The following MS4A12 variants were observed in gnomAD, a reference collection of about 807,000 sequenced individuals.
MS4A12 encodes membrane spanning 4-domains A12.
Under a neutral mutation model 23.7 loss-of-function variants are expected in MS4A12, and 28 were observed. That is an observed-to-expected ratio of 1.18 (90% CI 0.88 to 1.62). MS4A12 has a LOEUF of 1.62. Ranked by LOEUF, MS4A12 falls within the 40% of genes most tolerant of loss-of-function variation. The pLI is 0.00. For synonymous variants in MS4A12, 108 were observed against 110.1 expected, an observed-to-expected ratio of 0.98 and a Z score of 0.12; for missense variants, 342 against 327.0, an observed-to-expected ratio of 1.05 and a Z score of -0.35.
intron 1 of MS4A12, among the ~76,000 whole-genome samples, chr11:60,497,064 A>G (rs2135227436): frequency 6.6e-6 from 1 of 152,344 alleles, no homozygotes; most frequent in East Asian, 1.9e-4. Flanking sequence ...GAGCTCAGGC[A>G]GTAATGCTTG....
rs59739678 is a variant in MS4A12, at chr11:60,505,813, C to G, written c.589-915C>G. Among the ~76,000 whole-genome samples, 968 of 152,214 alleles carry G rather than the reference C, an allele frequency of 6.4e-3. 12 individuals carry two copies. Among genetic ancestry groups the G allele is most frequent in the African/African-American group, 0.022 (922 of 41,530 alleles). ...GGACCTCAGGAGACAGAAGAAAGGG[C>G]AACACCTTCCCATACCCTGCATGGT... On this transcript the variant is annotated intron_variant, in intron 5 of 6. Coordinates refer to ENST00000016913, the MANE Select transcript of MS4A12 (RefSeq NM_017716.3).
chr11:60,496,394 G>T (rs1370371570), intron 1 of MS4A12, among the ~76,000 whole-genome samples: 1 of 152,222 alleles, frequency 6.6e-6, no homozygotes, highest in Admixed American at 6.5e-5. Context: ...AGTCATTGTT[G>T]TCCATATTCA....
chr11:60,494,405 T>C (rs964480920), intron 1 of MS4A12, among the ~76,000 whole-genome samples: 1 of 152,200 alleles, frequency 6.6e-6, no homozygotes, highest in African/African-American at 2.4e-5. Flanking sequence ...GAGAATGTAA[T>C]GAAATCATAT....
At chr11:60,503,478 G>T (rs964769460) in intron 4 of MS4A12, among the ~76,000 whole-genome samples, 11 of 152,188 alleles carry the variant, frequency 7.2e-5, no homozygotes, top group African/African-American at 7.2e-5. Flanking sequence ...TGCTTTATAT[G>T]ATTTACATTT....
In MS4A12 at chr11:60,507,263, T is replaced by G. The variant is rs2086578403; in HGVS notation, c.*139T>G. 1.5e-6 allele frequency: 1 copy of G among 669,242 alleles called. No individual in the cohort carries two copies. The highest frequency in any genetic ancestry group is 1.8e-5 in the African/African-American group (1 of 55,312). The allele number at this position is 669,242 out of a possible 1,614,324, so 41.5% of individuals were successfully genotyped here. A position where few individuals can be genotyped will look rare whatever the true frequency, so the allele number is the denominator to read the frequency against. On this transcript the variant is annotated 3_prime_UTR_variant, in exon 7 of 7. Transcript: ENST00000016913. The stretch of plus-strand genomic sequence containing the variant: ...TGAGATTTGTTTTTAGGTTGGTCGC[T>G]AATGATGGCTGTATCTCCCTTCACT...
chr11:60,499,408 G>A (rs1284584379), intron 2 of MS4A12, among the ~76,000 whole-genome samples: 3 of 152,194 alleles, frequency 2.0e-5, no homozygotes, highest in African/African-American at 7.2e-5. Context: ...GTGACAGCAA[G>A]GATGAGAATG....
Position 60,507,052 on chromosome 11 carries a change from C to A in MS4A12, c.732C>A (p.Ser244Arg). 1.2e-6 allele frequency: 2 copies of A among 1,613,994 alleles called. No individual in the cohort carries two copies. The highest frequency in any genetic ancestry group is 1.7e-6 in the Non-Finnish European group (2 of 1,179,878). Residue 244 changes from serine to arginine, a missense_variant, in exon 7 of 7, where the codon AGC becomes AGA. Physicochemically the swap from Ser to Arg is moderately radical, Grantham distance 110. Coordinates refer to ENST00000016913, the MANE Select transcript of MS4A12 (RefSeq NM_017716.3). The stretch of plus-strand genomic sequence containing the variant: ...TGGTTATTCCAAATATGTATGAAAG[C>A]AACCCTGTGACACCAGCGTCTTCTT... The part of the protein sequence containing the change: ...SVLVIPNMYE[S>R]NPVTPASSSA...
At chr11:60,503,890 T>G (rs2086550935) in intron 5 of MS4A12, 73 bp downstream of exon 5, 1 of 1,274,246 alleles carries the variant, frequency 7.8e-7, no homozygotes, top group South Asian at 1.3e-5. Flanking sequence ...TTTTATTTCT[T>G]AATACCGTAT....
At chr11:60,500,159 T>A (rs766811753) in intron 2 of MS4A12, among the ~76,000 whole-genome samples, 10 of 150,058 alleles carry the variant, frequency 6.7e-5, no homozygotes, top group Non-Finnish European at 8.9e-5. Context: ...GAGAATGGTG[T>A]GAACCCGGGA....
Position 60,507,157 on chromosome 11 carries a change from G to A in MS4A12, c.*33G>A. 1 of 1,540,076 alleles carries A rather than the reference G, an allele frequency of 6.5e-7. No individual in the cohort carries two copies. Among genetic ancestry groups the A allele is most frequent in the South Asian group, 1.1e-5 (1 of 88,412 alleles). ...AAAAGGGGTATCAGTCTAATCTCATGGAGAAAAACTACTTGCAAAAACTTC... is the reference window on the plus strand; with the variant it reads ...AAAAGGGGTATCAGTCTAATCTCATAGAGAAAAACTACTTGCAAAAACTTC... On this transcript the variant is annotated 3_prime_UTR_variant, in exon 7 of 7. Transcript: ENST00000016913.
intron 4 of MS4A12, 102 bp downstream of exon 4, chr11:60,502,141 ACCTTTCCC>A: frequency 1.7e-6 from 2 of 1,183,214 alleles, no homozygotes; most frequent in African/African-American, 1.5e-5. Context: ...AAAAGGGAGC[ACCTTTCCC>A]AAAAAAAATC....
At chr11:60,496,409 T>C (rs918006735) in intron 1 of MS4A12, among the ~76,000 whole-genome samples, 1 of 152,246 alleles carries the variant, frequency 6.6e-6, no homozygotes, top group South Asian at 2.1e-4. Context: ...TATTCAGTTG[T>C]ACTGGCTTAT....
At chr11:60,502,812 A>T (rs1191310297) in intron 4 of MS4A12, among the ~76,000 whole-genome samples, 1 of 152,228 alleles carries the variant, frequency 6.6e-6, no homozygotes, top group African/African-American at 2.4e-5. Flanking sequence ...AAATAAAATA[A>T]GCCTAATTCT....
Position 60,497,386 on chromosome 11 carries a change from G to A in MS4A12, c.68G>A (p.Ser23Asn). Residue 23 changes from serine (S) to asparagine (N), a missense_variant, in exon 2 of 7, where the codon AGC (serine) becomes AAC (asparagine). By Grantham distance (46) the Ser-to-Asn change is conservative. Transcript: ENST00000016913. Reference protein sequence around the residue: ...NETIPNPYPPSSFMAPGFQQP... With the variant: ...NETIPNPYPPNSFMAPGFQQP... ...ACCATACCCAACCCTTACCCACCAA[G>A]CAGCTTTATGGCTCCTGGATTTCAA... The A allele has an allele frequency of 3.1e-6, 5 of 1,614,166 alleles. No individual in the cohort carries two copies. The highest frequency in any genetic ancestry group is 4.2e-6 in the Non-Finnish European group (5 of 1,180,022).
At chr11:60,498,876 G>A (rs1226439665) in intron 2 of MS4A12, among the ~76,000 whole-genome samples, 1 of 152,064 alleles carries the variant, frequency 6.6e-6, no homozygotes, top group Non-Finnish European at 1.5e-5. Flanking sequence ...AAATGTCTTT[G>A]AGGTATTTGA....
chr11:60,502,190 G>A (rs1033708673), intron 4 of MS4A12, 151 bp downstream of exon 4: 2 of 735,216 alleles, frequency 2.7e-6, no homozygotes, highest in East Asian at 2.6e-5. Context: ...GAGCGCTGGG[G>A]TGAGAAAATG....
intron 1 of MS4A12, 48 bp downstream of exon 1, chr11:60,492,876 G>T (rs1044769633): frequency 3.3e-5 from 5 of 152,162 alleles, no homozygotes; most frequent in African/African-American, 1.2e-4. Flanking sequence ...AAATCAATGG[G>T]CACAAACTGT....
chr11:60,503,757 G>A lies in MS4A12; in HGVS notation c.528G>A (p.Val176=). 6.2e-7 allele frequency: 1 copy of A among 1,613,954 alleles called. No homozygotes were observed. The highest frequency in any genetic ancestry group is 1.7e-5 in the Admixed American group (1 of 60,010). ...IVSSILAFIG[V]ILLLVDMCIN... ...GTTCTATCTTGGCCTTCATTGGAGT[G>A]ATTCTGCTGCTGGTGGATATGTGCA... The change falls in exon 5 of 7, where the codon GTG becomes GTA. Residue 176 remains valine (V), a synonymous_variant. Coordinates refer to ENST00000016913, the MANE Select transcript of MS4A12 (RefSeq NM_017716.3).
At chr11:60,505,589 G>GA (rs59655294) in intron 5 of MS4A12, among the ~76,000 whole-genome samples, 46 of 152,064 alleles carry the variant, frequency 3.0e-4, no homozygotes, top group African/African-American at 1.0e-3. Flanking sequence ...ACTCAAAGCT[G>GA]AAAAAAAGCA....
Sources: allele counts gnomAD v4.1 joint callset (sites outside exome capture counted in the v4.1 genomes callset), GRCh38; gene constraint gnomAD v4.1.1; transcripts MANE v1.5; gene names NCBI Gene and HGNC (gene_info 2026-07-23, HGNC 2026-07-21).